Variants in SLC16A3 observed in about 807,000 individuals in gnomAD.
SLC16A3 encodes the protein monocarboxylate transporter 4.
A neutral mutation model predicts 25.0 loss-of-function variants in SLC16A3; 22 were observed. That is an observed-to-expected ratio of 0.88 (90% CI 0.63 to 1.26). The LOEUF (loss-of-function observed/expected upper bound fraction) is 1.26, where lower values mean the gene tolerates loss of function less well. Among genes scored for constraint, SLC16A3 ranks in the 50% most tolerant of loss-of-function variants. SLC16A3 has a pLI of 0.00. For synonymous variants in SLC16A3, 390 were observed against 309.2 expected (o/e 1.26, Z -2.74); for missense variants, 731 against 666.6 (o/e 1.10, Z -1.06).
In SLC16A3 at chr17:82,238,696, C is replaced by T. The variant is rs1273075474; in HGVS notation, c.1124-6C>T. The T allele has an allele frequency of 4.7e-5, 76 of 1,604,720 alleles. No individual in the cohort carries two copies. The highest frequency in any genetic ancestry group is 6.1e-5 in the Non-Finnish European group (72 of 1,175,370). ...AGCGGCTGGGACTGACGGGGTCTTC[C>T]CGCAGGCAAACTCCTGGATGCGACC... On this transcript the variant is annotated splice_polypyrimidine_tract_variant and splice_region_variant and intron_variant, in intron 4 of 4. Coordinates refer to ENST00000582743, the MANE Select transcript of SLC16A3 (RefSeq NM_004207.4).
chr17:82,237,096 G>C (rs756187625), intron 3 of SLC16A3, 42 bp from the exon 4 acceptor site: 2 of 1,475,950 alleles, frequency 1.4e-6, no homozygotes, highest in Non-Finnish European at 1.8e-6. Context: ...TCGGGCTTTG[G>C]GGCAGCCTTG....
chr17:82,231,052 C>G (rs770762232), intron 1 of SLC16A3: 1 of 152,208 alleles, frequency 6.6e-6, no homozygotes. Context: ...ACCCGCGCGC[C>G]GGCAATTACG....
chr17:82,237,869 G>C lies in SLC16A3; in HGVS notation c.1099G>C (p.Val367Leu). The change falls in exon 4 of 5, where the codon GTG becomes CTG. Residue 367 changes from valine (V) to leucine (L), a missense_variant. Transcript: ENST00000582743. ...GGTGCTGCTGATGGAGGCGGTGGCC[G>C]TGCTCGTCGGGCCCCCTTCGGGAGG... ...GLVLLMEAVA[V>L]LVGPPSGGKL... 1.9e-6 allele frequency: 3 copies of C among 1,600,756 alleles called. No individual in the cohort carries two copies. Among genetic ancestry groups the C allele is most frequent in the Non-Finnish European group, 2.5e-6 (3 of 1,179,696 alleles).
intron 1 of SLC16A3, among the ~76,000 whole-genome samples, chr17:82,219,905 C>A (rs920772358): frequency 6.6e-6 from 1 of 152,102 alleles, no homozygotes; most frequent in African/African-American, 2.4e-5. Flanking sequence ...GAAACCCTGA[C>A]CCCCCAGCCC....
upstream of SLC16A3, among the ~76,000 whole-genome samples, chr17:82,227,064 C>G (rs919339580): frequency 6.6e-6 from 1 of 152,180 alleles, no homozygotes; most frequent in African/African-American, 2.4e-5. Flanking sequence ...GAGGCTCCAC[C>G]CCAGCTCTGG....
chr17:82,237,243 T>C lies in SLC16A3; in HGVS notation c.473T>C (p.Val158Ala). The change falls in exon 4 of 5, where the codon GTC becomes GCC. Residue 158 changes from valine (V) to alanine (A), a missense_variant. Transcript: ENST00000582743. Reference protein sequence around the residue: ...ANGLAAAGSPVFLCALSPLGQ... With the variant: ...ANGLAAAGSPAFLCALSPLGQ... ...GGGCTGGCGGCAGCAGGTAGCCCTG[T>C]CTTCCTGTGTGCCCTGAGCCCGCTG... is the stretch of plus-strand genomic sequence containing the variant. 2 of 1,560,204 alleles carry C rather than the reference T, an allele frequency of 1.3e-6. No homozygotes were observed. Among genetic ancestry groups the C allele is most frequent in the Non-Finnish European group, 1.7e-6 (2 of 1,152,368 alleles).
chr17:82,222,889 CA>C (rs1466327085), intron 1 of SLC16A3, among the ~76,000 whole-genome samples: 1 of 151,182 alleles, frequency 6.6e-6, no homozygotes, highest in Non-Finnish European at 1.5e-5. Context: ...GCTCAGTAAA[CA>C]CGCTGGTCAC....
chr17:82,236,323 C>T (rs1352139989), intron 2 of SLC16A3, 92 bp downstream of exon 2: 31 of 1,177,586 alleles, frequency 2.6e-5, no homozygotes, highest in South Asian at 1.5e-4. Context: ...CAGGGCCTTC[C>T]GCCTGCTCCC....
chr17:82,228,980 G>GC (rs1359735673), upstream of SLC16A3: 2 of 149,436 alleles, frequency 1.3e-5, no homozygotes, highest in Non-Finnish European at 3.0e-5. Flanking sequence ...GGTGACGTGC[G>GC]CGGGGGACGT....
At position 82,237,200 on chromosome 17, in the gene SLC16A3, C is replaced by A; in HGVS notation, c.430C>A (p.Arg144=). The part of the protein sequence containing the change: ...LIMLNRYFSK[R]RPMANGLAAA... ...CATGCTGAACCGCTACTTCAGCAAG[C>A]GGCGCCCCATGGCCAACGGGCTGGC... The change falls in exon 4 of 5, where the codon CGG becomes AGG. Residue 144 remains arginine (R), a synonymous_variant. Transcript: ENST00000582743. 1 of 1,533,424 alleles carries A rather than the reference C, an allele frequency of 6.5e-7. No homozygotes were observed. The highest frequency in any genetic ancestry group is 8.8e-7 in the Non-Finnish European group (1 of 1,140,354). The allele number at this position is 1,533,424 out of a possible 1,614,324, so 95.0% of individuals were successfully genotyped here. A position where few individuals can be genotyped will look rare whatever the true frequency, so the allele number is the denominator to read the frequency against.
rs2050712334 is a variant in SLC16A3 at position 82,239,684 on chromosome 17, A to C, written c.*708A>C. On this transcript the variant is annotated 3_prime_UTR_variant, in exon 5 of 5. Transcript: ENST00000582743. ...GGCCGCTGTGCCAGGGTGGCCTCTG[A>C]AATGTGCCAGGGAGCCCCTACGTGG... 5.9e-6 allele frequency: 2 copies of C among 338,716 alleles called. No homozygotes were observed. Among genetic ancestry groups the C allele is most frequent in the South Asian group, 3.1e-4 (2 of 6,546 alleles). 21.0% of individuals were successfully genotyped at this position (338,716 alleles called of 1,614,324 possible).
intron 1 of SLC16A3, among the ~76,000 whole-genome samples, chr17:82,219,698 C>T (rs1451606184): frequency 6.6e-6 from 1 of 152,102 alleles, no homozygotes; most frequent in Non-Finnish European, 1.5e-5. Flanking sequence ...AGCAGCCAGG[C>T]CAAAGGGTGC....
At chr17:82,232,910 G>A (rs2050521165) in intron 1 of SLC16A3, among the ~76,000 whole-genome samples, 1 of 146,396 alleles carries the variant, frequency 6.8e-6, no homozygotes. Context: ...ATGCTTCCTG[G>A]GGGGCGGCGG....
rs976563812 is a variant in SLC16A3, at chr17:82,239,596, C to T, written c.*620C>T. 7 of 214,514 alleles carry T rather than the reference C, an allele frequency of 3.3e-5. No individual in the cohort carries two copies. Among genetic ancestry groups the T allele is most frequent in the East Asian group, 2.0e-4 (2 of 9,762 alleles). The allele number at this position is 214,514 out of a possible 1,614,324, so 13.3% of individuals were successfully genotyped here. A position where few individuals can be genotyped will look rare whatever the true frequency, so the allele number is the denominator to read the frequency against. The stretch of plus-strand genomic sequence containing the variant: ...CTGTCCTCGCCAGCTTTCCCTGCAG[C>T]GGCATAGCATTCGTAGCAGGGGCAG... On this transcript the variant is annotated 3_prime_UTR_variant, in exon 5 of 5. Transcript: ENST00000582743.
intron 1 of SLC16A3, among the ~76,000 whole-genome samples, chr17:82,233,263 G>A (rs1211342590): frequency 6.6e-6 from 1 of 152,212 alleles, no homozygotes; most frequent in East Asian, 1.9e-4. Flanking sequence ...CAGGCTGGGT[G>A]AGGACAGACG....
intron 1 of SLC16A3, chr17:82,230,802 C>G (rs2050481536): frequency 6.6e-6 from 1 of 152,184 alleles, no homozygotes; most frequent in Non-Finnish European, 1.5e-5. Flanking sequence ...TCAGGGCGTC[C>G]TCCTAGCGTC....
intron 1 of SLC16A3, among the ~76,000 whole-genome samples, chr17:82,221,022 CTG>C (rs1168824690): frequency 3.3e-5 from 5 of 151,916 alleles, no homozygotes; most frequent in Admixed American, 3.3e-4. Flanking sequence ...CAGGTTTCTA[CTG>C]GCCAGGCTGG....
chr17:82,220,557 G>A (rs748446122), intron 1 of SLC16A3, among the ~76,000 whole-genome samples: 13 of 152,128 alleles, frequency 8.5e-5, no homozygotes, highest in Non-Finnish European at 1.8e-4. Context: ...AATCACCTGA[G>A]CTCAGGAGTT....
At position 82,237,505 on chromosome 17, in the gene SLC16A3, G is replaced by A. The variant is rs761874826; in HGVS notation, c.735G>A (p.Pro245=). 64 of 1,611,158 alleles carry A rather than the reference G, an allele frequency of 4.0e-5. No individual in the cohort carries two copies. Among genetic ancestry groups the A allele is most frequent in the Non-Finnish European group, 4.9e-5 (58 of 1,179,544 alleles). The part of the protein sequence containing the change: ...ASVMVLGLFV[P]PVFVVSYAKD... The stretch of plus-strand genomic sequence containing the variant: ...TCATGGTGCTGGGGCTCTTCGTCCC[G>A]CCCGTGTTCGTGGTGAGCTACGCCA... The change falls in exon 4 of 5, where the codon CCG becomes CCA. Residue 245 remains proline, a synonymous_variant. Transcript: ENST00000582743.
Sources: allele counts gnomAD v4.1 joint callset (sites outside exome capture counted in the v4.1 genomes callset), GRCh38; gene constraint gnomAD v4.1.1; transcripts MANE v1.5; gene names NCBI Gene and HGNC (gene_info 2026-07-23, HGNC 2026-07-21).